The following IARS2 variants were observed in gnomAD, a reference collection of about 807,000 sequenced individuals.
IARS2 encodes the protein isoleucine--tRNA ligase, mitochondrial.
Under a neutral mutation model 126.3 loss-of-function variants are expected in IARS2, and 56 were observed. The observed-to-expected ratio is 0.44, with a 90% CI of 0.36 to 0.55. The LOEUF (loss-of-function observed/expected upper bound fraction) is 0.55. Among genes scored for constraint, IARS2 ranks in the 20% least tolerant of loss-of-function variants. The pLI is 0.00. For missense variants in IARS2, 1,127 were observed against 1,245.9 expected (o/e 0.90, Z 1.44); for synonymous variants, 407 against 441.1 (o/e 0.92, Z 0.97).
rs779338044 is a variant in IARS2, at chr1:220,102,140, G to A, written c.562G>A (p.Ala188Thr). The change falls in exon 4 of 23, where the codon GCT (alanine) becomes ACT (threonine). Residue 188 changes from alanine (A) to threonine (T), a missense_variant. By Grantham distance (58) the Ala-to-Thr change is moderately conservative (BLOSUM62 0). Coordinates refer to ENST00000366922, the MANE Select transcript of IARS2 (RefSeq NM_018060.4). ...CGTCTTTTTTTTAGCTAGATCATTT[G>A]CTAAAGCAGCCATTGAGAAACAGAA... ...MEIRKKARSFAKAAIEKQKSA... is the reference protein window; with the variant it reads ...MEIRKKARSFTKAAIEKQKSA... 1.3e-6 allele frequency: 2 copies of A among 1,597,350 alleles called. No individual in the cohort carries two copies. The highest frequency in any genetic ancestry group is 3.7e-5 in the Admixed American group (2 of 53,844).
At position 220,130,626 on chromosome 1, in the gene IARS2, T is replaced by C. The variant is rs573806594; in HGVS notation, c.1838-3776T>C. On this transcript the variant is annotated intron_variant, in intron 14 of 22. Transcript: ENST00000366922. The stretch of plus-strand genomic sequence containing the variant: ...AGGCTGGAGTGCAGTGGCACGATCT[T>C]GGCTCACTGCAAGCTCCGCCTCCTG... Among the ~76,000 whole-genome samples the C allele has an allele frequency of 4.0e-4, 61 of 152,024 alleles. 1 individual carries two copies. Among genetic ancestry groups the C allele is most frequent in the African/African-American group, 1.3e-3 (52 of 41,486 alleles).
At chr1:220,147,459 C>T (rs753248407) in intron 22 of IARS2, 34 bp from the exon 23 acceptor site, 3 of 1,607,246 alleles carry the variant, frequency 1.9e-6, no homozygotes, top group Non-Finnish European at 8.5e-7. Flanking sequence ...AGTTGAATGC[C>T]TATCAGAAAT....
At chr1:220,108,366 T>C (rs867563764) in intron 10 of IARS2, among the ~76,000 whole-genome samples, 57 of 150,730 alleles carry the variant, frequency 3.8e-4, no homozygotes, top group African/African-American at 1.4e-3. Flanking sequence ...TGTCAGGCCA[T>C]AATTTTTTTA....
In IARS2 at chr1:220,143,528, G is replaced by A. The variant is rs2102842728; in HGVS notation, c.2751+394G>A. On this transcript the variant is annotated intron_variant, in intron 21 of 22. Coordinates refer to ENST00000366922, the MANE Select transcript of IARS2 (RefSeq NM_018060.4). The stretch of plus-strand genomic sequence containing the variant: ...ATAGGGAAGGAATAGATAAAGTTCT[G>A]TTTCAAACAAAAGGCCTCAGGACTA... 1.3e-5 allele frequency among the ~76,000 whole-genome samples: 2 copies of A among 152,174 alleles called. 1 individual carries two copies. The highest frequency in any genetic ancestry group is 4.8e-5 in the African/African-American group (2 of 41,528).
chr1:220,095,732 T>G (rs1656425307), intron 1 of IARS2, among the ~76,000 whole-genome samples: 1 of 152,182 alleles, frequency 6.6e-6, no homozygotes, highest in Non-Finnish European at 1.5e-5. Flanking sequence ...CGCCAAAGAA[T>G]AGCAAGAATA....
At chr1:220,145,887 T>C (rs1465998066) in intron 22 of IARS2, among the ~76,000 whole-genome samples, 1 of 152,196 alleles carries the variant, frequency 6.6e-6, no homozygotes, top group Non-Finnish European at 1.5e-5. Flanking sequence ...AGATTTTCTT[T>C]CTGTCCTTTG....
At chr1:220,138,451 C>A (rs1456996897) in intron 17 of IARS2, among the ~76,000 whole-genome samples, 1 of 152,024 alleles carries the variant, frequency 6.6e-6, no homozygotes, top group African/African-American at 2.4e-5. Flanking sequence ...AGCCTGGCGA[C>A]AGAGCAAGAC....
At position 220,125,332 on chromosome 1, in the gene IARS2, T is replaced by C; in HGVS notation, c.1736T>C (p.Leu579Ser). 4 of 1,601,674 alleles carry C rather than the reference T, an allele frequency of 2.5e-6. No homozygotes were observed. The highest frequency in any genetic ancestry group is 4.5e-5 in the East Asian group (2 of 44,790). The change falls in exon 13 of 23, where the codon TTA becomes TCA. Residue 579 changes from leucine (L) to serine (S), a missense_variant. Leu to Ser is a moderately radical substitution (Grantham distance 145). Coordinates refer to ENST00000366922, the MANE Select transcript of IARS2 (RefSeq NM_018060.4). ...PPEQLLPKEV[L>S]SEVGGPDALE... ...GAACAACTTCTTCCAAAAGAAGTCT[T>C]ATCTGAGGTAAATTTCTGTTTGTAT...
At chr1:220,135,707 A>G (rs1657360018) in intron 15 of IARS2, among the ~76,000 whole-genome samples, 1 of 148,412 alleles carries the variant, frequency 6.7e-6, no homozygotes. Flanking sequence ...GACCAGTAAA[A>G]GGGCAGATCC....
In IARS2 at chr1:220,094,163, C is replaced by T. The variant is rs1656384179; in HGVS notation, c.-54C>T. 16 of 1,472,210 alleles carry T rather than the reference C, an allele frequency of 1.1e-5. No homozygotes were observed. Among genetic ancestry groups the T allele is most frequent in the East Asian group, 2.5e-5 (1 of 40,190 alleles). 91.2% of individuals were successfully genotyped at this position (1,472,210 alleles called of 1,614,324 possible). A position where few individuals can be genotyped will look rare whatever the true frequency, so the allele number is the denominator to read the frequency against. On this transcript the variant is annotated 5_prime_UTR_variant, in exon 1 of 23. Transcript: ENST00000366922. ...CTCCCCTTGGTTTCCTGGGGTCCTG[C>T]CCCTTCAAGCTGGGGCGGGAGCGGA...
At chr1:220,142,708 CT>C (rs975570616) in intron 20 of IARS2, among the ~76,000 whole-genome samples, 5 of 151,840 alleles carry the variant, frequency 3.3e-5, no homozygotes, top group African/African-American at 1.2e-4. Flanking sequence ...TCTAAGCATC[CT>C]TTTTTTCTTT....
At chr1:220,109,150 C>T (rs1270412272) in intron 10 of IARS2, among the ~76,000 whole-genome samples, 1 of 151,986 alleles carries the variant, frequency 6.6e-6, no homozygotes, top group African/African-American at 2.4e-5. Context: ...CCTGTAATCC[C>T]AGCGCTTTGG....
Position 220,100,589 on chromosome 1 carries a change from G to A in IARS2, c.490G>A (p.Val164Ile), listed in dbSNP as rs2016769511. ...TCATGGGTTGCCCATTGAAATAAAA[G>A]TATTATCAGAACTTGGTAGAGAAGC... ...DCHGLPIEIKVLSELGREAQN... is the reference protein window; with the variant it reads ...DCHGLPIEIKILSELGREAQN... Residue 164 changes from valine (V) to isoleucine (I), a missense_variant, in exon 3 of 23, where the codon GTA becomes ATA. Transcript: ENST00000366922. 2 of 1,612,832 alleles carry A rather than the reference G, an allele frequency of 1.2e-6. No homozygotes were observed. The highest frequency in any genetic ancestry group is 1.3e-5 in the African/African-American group (1 of 74,880).
chr1:220,118,698 C>T (rs916300850), intron 12 of IARS2, among the ~76,000 whole-genome samples: 7 of 152,038 alleles, frequency 4.6e-5, no homozygotes, highest in Admixed American at 1.3e-4. Flanking sequence ...AACTTAGCCC[C>T]TAACTTCTGG....
At chr1:220,130,609 G>A (rs1045463883) in intron 14 of IARS2, among the ~76,000 whole-genome samples, 23 of 152,234 alleles carry the variant, frequency 1.5e-4, no homozygotes, top group Admixed American at 1.0e-3. Context: ...CCAGGCTGGA[G>A]TGCAGTGGCA....
rs184580552 is a variant in IARS2 at position 220,139,057 on chromosome 1, C to A, written c.2225C>A (p.Pro742Gln). 5.0e-6 allele frequency: 8 copies of A among 1,613,210 alleles called. No individual in the cohort carries two copies. Among genetic ancestry groups the A allele is most frequent in the Admixed American group, 1.7e-5 (1 of 59,980 alleles). ...TTGGGAAATGTGGCTGATTTCAACC[C>A]AGAAACAGATTCCATCCCTGTAAAC... ...FLLGNVADFNPETDSIPVNDM... is the reference protein window; with the variant it reads ...FLLGNVADFNQETDSIPVNDM... Residue 742 changes from proline (P) to glutamine (Q), a missense_variant, in exon 18 of 23, where the codon CCA becomes CAA. By Grantham distance (76) the Pro-to-Gln change is moderately conservative (BLOSUM62 -1). Coordinates refer to ENST00000366922, the MANE Select transcript of IARS2 (RefSeq NM_018060.4).
rs770082667 is a variant in IARS2 at position 220,103,482 on chromosome 1, T to C, written c.986T>C (p.Leu329Pro). 1.5e-5 allele frequency: 25 copies of C among 1,613,128 alleles called. No homozygotes were observed. Among genetic ancestry groups the C allele is most frequent in the Non-Finnish European group, 2.0e-5 (24 of 1,179,262 alleles). Reference protein sequence around the residue: ...AVVKCSKSGDLYVLAADKVAS... With the variant: ...AVVKCSKSGDPYVLAADKVAS... Reference sequence around the variant, plus strand: ...GTGAAATGTTCTAAGTCTGGAGACCTCTACGTACTGGCGGCAGATAAAGTA... The same window carrying C: ...GTGAAATGTTCTAAGTCTGGAGACCCCTACGTACTGGCGGCAGATAAAGTA... Residue 329 changes from leucine to proline, a missense_variant, in exon 8 of 23, where the codon CTC becomes CCC. Leu to Pro is a moderately conservative substitution (Grantham distance 98). Transcript: ENST00000366922.
chr1:220,098,584 G>C (rs1360041657), intron 2 of IARS2, among the ~76,000 whole-genome samples: 1 of 150,404 alleles, frequency 6.6e-6, no homozygotes, highest in Non-Finnish European at 1.5e-5. Flanking sequence ...CTATATTCTA[G>C]GTTCCTAGAA....
At chr1:220,096,902 C>T (rs1316089089) in intron 2 of IARS2, among the ~76,000 whole-genome samples, 3 of 151,996 alleles carry the variant, frequency 2.0e-5, no homozygotes, top group Non-Finnish European at 1.5e-5. Flanking sequence ...AAAAATTAGC[C>T]ACGCATGGTG....
Sources: gnomAD v4.1 joint callset for allele counts (sites outside exome capture counted in the v4.1 genomes callset) on GRCh38, gnomAD v4.1.1 for gene constraint, MANE v1.5 for transcripts, NCBI Gene and HGNC (gene_info 2026-07-23, HGNC 2026-07-21) for gene names.